The following ARHGEF3 variants were observed in gnomAD, a reference collection of about 807,000 sequenced individuals.
ARHGEF3 encodes the protein Rho guanine nucleotide exchange factor 3.
ARHGEF3 carries 28 observed loss-of-function variants against 63.2 expected under a neutral mutation model. The observed-to-expected ratio is 0.44, with a 90% CI of 0.33 to 0.61. ARHGEF3 has a LOEUF of 0.61. ARHGEF3 is among the 20% of genes least tolerant of loss of function. The probability of loss-of-function intolerance (pLI) is 0.03; values close to 1 mark genes in which losing one functional copy is unlikely to be tolerated. For synonymous variants in ARHGEF3, 266 were observed against 254.2 expected, an observed-to-expected ratio of 1.05 and a Z score of -0.44; for missense variants, 533 against 659.3, an observed-to-expected ratio of 0.81 and a Z score of 2.10.
chr3:56,849,746 C>A (rs908150302), intron 4 of ARHGEF3, among the ~76,000 whole-genome samples: 1 of 152,020 alleles, frequency 6.6e-6, no homozygotes. Flanking sequence ...TAAAGTAGCA[C>A]AAAGAGTGGA....
intron 4 of ARHGEF3, among the ~76,000 whole-genome samples, chr3:56,858,565 C>A (rs2039963981): frequency 6.6e-6 from 1 of 152,070 alleles, no homozygotes; most frequent in African/African-American, 2.4e-5. Flanking sequence ...AGACAGTCAA[C>A]AAGAACAACA....
At chr3:57,026,056 T>C (rs1703460266) in intron 2 of ARHGEF3, among the ~76,000 whole-genome samples, 1 of 152,056 alleles carries the variant, frequency 6.6e-6, no homozygotes, top group South Asian at 2.1e-4. Context: ...ACACTTAAGA[T>C]ATCTCAATAA....
intron 2 of ARHGEF3, among the ~76,000 whole-genome samples, chr3:57,015,010 C>T (rs1702926925): frequency 1.4e-5 from 2 of 142,654 alleles, no homozygotes; most frequent in Admixed American, 7.0e-5. Context: ...TTTTCATGTA[C>T]TTTTTTTTTT....
intron 3 of ARHGEF3, among the ~76,000 whole-genome samples, chr3:56,915,223 G>C (rs962081647): frequency 6.6e-6 from 1 of 152,108 alleles, no homozygotes; most frequent in Non-Finnish European, 1.5e-5. Flanking sequence ...GGAGGCTGAA[G>C]CTTGAGCTCA....
At chr3:56,937,793 A>C (rs929942340) in intron 3 of ARHGEF3, among the ~76,000 whole-genome samples, 44 of 152,190 alleles carry the variant, frequency 2.9e-4, no homozygotes, top group African/African-American at 1.0e-3. Context: ...TGACAGAGTC[A>C]CTCATCTAAC....
chr3:56,755,829 T>G (rs2035038077), intron 2 of ARHGEF3, among the ~76,000 whole-genome samples: 2 of 152,038 alleles, frequency 1.3e-5, no homozygotes, highest in African/African-American at 2.4e-5. Flanking sequence ...CAGGAGAGAA[T>G]AAAGAGACCC....
chr3:57,004,360 A>C (rs9867160), intron 2 of ARHGEF3, among the ~76,000 whole-genome samples: 3,841 of 152,360 alleles, frequency 0.025, 149 homozygotes, highest in African/African-American at 0.086. Flanking sequence ...CAAGGGAGAC[A>C]GCAACACCCT....
intron 2 of ARHGEF3, among the ~76,000 whole-genome samples, chr3:56,969,375 T>TCCCCTAAATAGGTAA: frequency 2.6e-5 from 3 of 113,854 alleles, no homozygotes; most frequent in East Asian, 3.4e-4. Flanking sequence ...GAAGTGTTCT[T>TCCCCTAAATAGGTAA]TTTTTCTTAT....
chr3:56,943,751 C>G (rs1391552108), intron 3 of ARHGEF3, among the ~76,000 whole-genome samples: 1 of 152,072 alleles, frequency 6.6e-6, no homozygotes, highest in East Asian at 1.9e-4. Context: ...CCCATCTCTA[C>G]TAAAAATACA....
chr3:56,884,700 C>T lies in ARHGEF3; in HGVS notation c.130-2346G>A, dbSNP rs115596199. On this transcript the variant is annotated intron_variant, in intron 3 of 12. Transcript: ENST00000338458. ...CTCGAGAAGATGCTGATCACAACTCCGGGCACAGCTGCCGTTTTTGAGGAT... is the reference window on the plus strand; with the variant it reads ...CTCGAGAAGATGCTGATCACAACTCTGGGCACAGCTGCCGTTTTTGAGGAT... 2.5e-3 allele frequency among the ~76,000 whole-genome samples: 381 copies of T among 152,336 alleles called. 3 individuals carry two copies. Among genetic ancestry groups the T allele is most frequent in the African/African-American group, 8.6e-3 (358 of 41,576 alleles).
At chr3:56,914,981 TAGTC>T (rs1460587546) in intron 3 of ARHGEF3, among the ~76,000 whole-genome samples, 1 of 151,932 alleles carries the variant, frequency 6.6e-6, no homozygotes, top group Non-Finnish European at 1.5e-5. Context: ...ATACTTAAAA[TAGTC>T]AAGATGGTAA....
At chr3:56,993,933 G>A (rs1701865254) in intron 2 of ARHGEF3, among the ~76,000 whole-genome samples, 1 of 151,044 alleles carries the variant, frequency 6.6e-6, no homozygotes, top group African/African-American at 2.4e-5. Context: ...GCGTGGTGAT[G>A]GGTGCCTGTA....
chr3:57,015,263 C>A (rs1702943551), intron 2 of ARHGEF3, among the ~76,000 whole-genome samples: 1 of 152,108 alleles, frequency 6.6e-6, no homozygotes, highest in South Asian at 2.1e-4. Context: ...TAGAGATAAA[C>A]TTCTTACTCT....
chr3:57,021,410 C>T (rs908026292), intron 2 of ARHGEF3, among the ~76,000 whole-genome samples: 1 of 152,190 alleles, frequency 6.6e-6, no homozygotes, highest in Non-Finnish European at 1.5e-5. Context: ...AGCGCACTCC[C>T]ACTGAAGTGG....
At chr3:57,078,913 G>C in intron 1 of ARHGEF3, 2 of 268,214 alleles carry the variant, frequency 7.5e-6, no homozygotes, top group Non-Finnish European at 1.4e-5. Context: ...AACAGAGTCA[G>C]GGTCCCCAGC....
chr3:56,984,729 A>G (rs563642960), intron 2 of ARHGEF3, among the ~76,000 whole-genome samples: 9 of 152,188 alleles, frequency 5.9e-5, no homozygotes, highest in Non-Finnish European at 1.3e-4. Context: ...TACTCCCTAG[A>G]GTTTTCTAGA....
At chr3:57,042,663 TATATATATATATATATATATATATATA>T (rs1704238926) in intron 1 of ARHGEF3, among the ~76,000 whole-genome samples, 16 of 5,428 alleles carry the variant, frequency 2.9e-3, no homozygotes, top group African/African-American at 8.3e-3. Flanking sequence ...TATATATATA[TATATATATATATATATATATATATATA>T]TATATATATA....
intron 3 of ARHGEF3, among the ~76,000 whole-genome samples, chr3:56,952,660 G>C (rs979676340): frequency 6.6e-6 from 1 of 152,126 alleles, no homozygotes; most frequent in African/African-American, 2.4e-5. Context: ...GCTCAACACA[G>C]TGCCAGGTAA....
At chr3:56,952,817 G>T (rs1262153341) in intron 3 of ARHGEF3, among the ~76,000 whole-genome samples, 1 of 152,146 alleles carries the variant, frequency 6.6e-6, no homozygotes, top group Non-Finnish European at 1.5e-5. Flanking sequence ...TAAAGTCGAA[G>T]AGAGTAGAAG....
Sources: gnomAD v4.1 joint callset for allele counts (sites outside exome capture counted in the v4.1 genomes callset) on GRCh38, gnomAD v4.1.1 for gene constraint, MANE v1.5 for transcripts, NCBI Gene and HGNC (gene_info 2026-07-23, HGNC 2026-07-21) for gene names.